KIAA0319: variants seen among roughly 807,000 people sequenced by gnomAD.
KIAA0319 encodes KIAA0319, also known as dyslexia-associated protein KIAA0319.
KIAA0319 carries 83 observed loss-of-function variants against 108.4 expected under a neutral mutation model. That is an observed-to-expected ratio of 0.77 (90% confidence interval 0.64 to 0.92). The LOEUF is 0.92. Among genes scored for constraint, KIAA0319 ranks in the 40% least tolerant of loss-of-function variants. The pLI is 0.00. For missense variants in KIAA0319, 1,195 were observed against 1,322.4 expected (o/e 0.90, Z 1.49); for synonymous variants, 484 against 510.4 (o/e 0.95, Z 0.70).
chr6:24,590,979 T>A (rs1047250097), intron 3 of KIAA0319, among the ~76,000 whole-genome samples: 6 of 152,208 alleles, frequency 3.9e-5, no homozygotes, highest in Admixed American at 3.9e-4. Context: ...CTGGGCCTCG[T>A]CAGCAAAAGT....
At chr6:24,615,819 C>T (rs1773070594) in intron 1 of KIAA0319, among the ~76,000 whole-genome samples, 2 of 152,180 alleles carry the variant, frequency 1.3e-5, no homozygotes, top group Admixed American at 1.3e-4. Context: ...AAGATGAAGA[C>T]TTAGTCACCT....
At chr6:24,643,502 G>T (rs1204574487) in intron 1 of KIAA0319, among the ~76,000 whole-genome samples, 1 of 151,938 alleles carries the variant, frequency 6.6e-6, no homozygotes, top group Non-Finnish European at 1.5e-5. Flanking sequence ...TCCTTCCTTG[G>T]GGGTATTAAG....
At chr6:24,641,712 G>C (rs967561227) in intron 1 of KIAA0319, among the ~76,000 whole-genome samples, 3 of 152,112 alleles carry the variant, frequency 2.0e-5, no homozygotes, top group African/African-American at 7.2e-5. Context: ...TACTGAGAGA[G>C]ATGGTAAAAA....
intron 1 of KIAA0319, among the ~76,000 whole-genome samples, chr6:24,644,665 A>T (rs1290216602): frequency 1.3e-5 from 2 of 152,096 alleles, no homozygotes; most frequent in Non-Finnish European, 2.9e-5. Context: ...ACATTCATAC[A>T]TTACCAAAGC....
intron 1 of KIAA0319, among the ~76,000 whole-genome samples, chr6:24,614,518 C>G (rs1159934607): frequency 6.6e-6 from 1 of 152,026 alleles, no homozygotes; most frequent in Non-Finnish European, 1.5e-5. Flanking sequence ...CCATAATGTT[C>G]CTGGCATTTT....
chr6:24,607,841 C>T (rs922619867), intron 1 of KIAA0319, among the ~76,000 whole-genome samples: 1 of 152,046 alleles, frequency 6.6e-6, no homozygotes, highest in Non-Finnish European at 1.5e-5. Context: ...TAGTTAAAAA[C>T]ATTTTTTAAA....
intron 11 of KIAA0319, among the ~76,000 whole-genome samples, chr6:24,570,606 G>A (rs1238173380): frequency 6.7e-6 from 1 of 149,204 alleles, no homozygotes; most frequent in Non-Finnish European, 1.5e-5. Context: ...ATCGTCATAG[G>A]GTGAAAGAGA....
At position 24,546,946 on chromosome 6, in the gene KIAA0319, T is replaced by A; in HGVS notation, c.*219A>T. ...CTTTTAAGTATATACCTTAGAGTTT[T>A]ACCCAGCCTTTATTTCTATTAACAA... On this transcript the variant is annotated 3_prime_UTR_variant, in exon 21 of 21. Coordinates refer to ENST00000378214, the MANE Select transcript of KIAA0319 (RefSeq NM_014809.4). 1 of 507,744 alleles carries A rather than the reference T, an allele frequency of 2.0e-6. No individual in the cohort carries two copies. The highest frequency in any genetic ancestry group is 3.3e-5 in the East Asian group (1 of 30,122). The allele number at this position is 507,744 out of a possible 1,614,324, so 31.5% of individuals were successfully genotyped here. A position where few individuals can be genotyped will look rare whatever the true frequency, so the allele number is the denominator to read the frequency against.
chr6:24,582,170 T>G lies in KIAA0319; in HGVS notation c.1191+79A>C, dbSNP rs112188068. On this transcript the variant is annotated intron_variant, in intron 6 of 20. Transcript: ENST00000378214. Reference sequence around the variant, plus strand: ...CCAAAAAGAAGAAAGACGTTTGGGTTCAGTAGCTAAGAAGGTATTAACTGA... The same window carrying G: ...CCAAAAAGAAGAAAGACGTTTGGGTGCAGTAGCTAAGAAGGTATTAACTGA... 1.1e-3 allele frequency: 898 copies of G among 826,016 alleles called. 15 individuals carry two copies. The Admixed American group carries it at 0.015, about 14-fold the overall frequency. The allele number at this position is 826,016 out of a possible 1,614,324, so 51.2% of individuals were successfully genotyped here.
At chr6:24,605,721 T>C (rs1771301889) in intron 1 of KIAA0319, among the ~76,000 whole-genome samples, 1 of 152,152 alleles carries the variant, frequency 6.6e-6, no homozygotes, top group Non-Finnish European at 1.5e-5. Flanking sequence ...TGTCCCCCCA[T>C]GGTGAAAACT....
Position 24,599,850 on chromosome 6 carries a change from G to A in KIAA0319, c.55+1199C>T. On this transcript the variant is annotated intron_variant, in intron 2 of 20. Transcript: ENST00000378214. The surrounding 1 kb of genome is among the most constrained non-coding windows in gnomAD (Gnocchi z 4.1). Reference sequence around the variant, plus strand: ...TGTGACTGCCCCAGAGCCTGTGGGGGAGGCCACTGTGCAGGGGAGCATAGG... The same window carrying A: ...TGTGACTGCCCCAGAGCCTGTGGGGAAGGCCACTGTGCAGGGGAGCATAGG... The A allele has an allele frequency of 2.3e-6, 1 of 430,594 alleles. No homozygotes were observed. 26.7% of individuals were successfully genotyped at this position (430,594 alleles called of 1,614,324 possible).
chr6:24,550,819 G>A (rs1561906631), intron 20 of KIAA0319, among the ~76,000 whole-genome samples: 1 of 151,186 alleles, frequency 6.6e-6, no homozygotes, highest in East Asian at 2.0e-4. Flanking sequence ...AGCAGTCTTT[G>A]CCCTGTGGTC....
chr6:24,593,008 AC>A (rs1562016017), intron 3 of KIAA0319, among the ~76,000 whole-genome samples: 3 of 152,128 alleles, frequency 2.0e-5, no homozygotes, highest in South Asian at 2.1e-4. Flanking sequence ...ATAAAAAAAA[AC>A]ATTATCTACT....
At chr6:24,586,741 C>A (rs1217132827) in intron 4 of KIAA0319, among the ~76,000 whole-genome samples, 1 of 149,554 alleles carries the variant, frequency 6.7e-6, no homozygotes, top group East Asian at 1.9e-4. Flanking sequence ...TTTTTTTTTT[C>A]TCTCTTGTTA....
chr6:24,639,841 C>T lies in KIAA0319; in HGVS notation c.-106+5895G>A, dbSNP rs949200975. On this transcript the variant is annotated intron_variant, in intron 1 of 20. Transcript: ENST00000378214. ...CAGTCTGGGTGACAGAGTGAGACTC[C>T]ATCTTAAAAAAAAAAAAAAAAGTGC... Among the ~76,000 whole-genome samples the T allele has an allele frequency of 2.1e-4, 20 of 95,606 alleles. No homozygotes were observed. The Admixed American group carries it at 2.2e-3, about 11-fold the overall frequency. 62.7% of individuals were successfully genotyped at this position (95,606 alleles called of 152,430 possible).
Position 24,645,995 on chromosome 6 carries a change from C to T in KIAA0319, c.-365G>A, listed in dbSNP as rs1257752724. 6.6e-6 allele frequency: 1 copy of T among 152,470 alleles called. No individual in the cohort carries two copies. Among genetic ancestry groups the T allele is most frequent in the Non-Finnish European group, 1.5e-5 (1 of 68,304 alleles). The allele number at this position is 152,470 out of a possible 1,614,324, so 9.4% of individuals were successfully genotyped here. A position where few individuals can be genotyped will look rare whatever the true frequency, so the allele number is the denominator to read the frequency against. On this transcript the variant is annotated 5_prime_UTR_variant, in exon 1 of 21. Coordinates refer to ENST00000378214, the MANE Select transcript of KIAA0319 (RefSeq NM_014809.4). Reference sequence around the variant, plus strand: ...GTAGCCCCAGAGGAGCGAATCTGGACCAAGCCCAAGACAGGCTGAAGCTAC... The same window carrying T: ...GTAGCCCCAGAGGAGCGAATCTGGATCAAGCCCAAGACAGGCTGAAGCTAC...
chr6:24,578,206 C>T lies in KIAA0319; in HGVS notation c.1409G>A (p.Trp470Ter). 1 of 1,606,212 alleles carries T rather than the reference C, an allele frequency of 6.2e-7. No homozygotes were observed. Among genetic ancestry groups the T allele is most frequent in the Non-Finnish European group, 8.5e-7 (1 of 1,173,228 alleles). The change falls in exon 9 of 21, where the codon TGG (tryptophan) becomes TAG (stop). Residue 470 changes from tryptophan to a stop codon, truncating the protein, a stop_gained. Transcript: ENST00000378214. LOFTEE classifies it high-confidence loss of function. Reference sequence around the variant, plus strand: ...TATGAAGGGCCCGTTTATTTCTTCCCAATGATAACTCACTATTTCAGTATC... The same window carrying T: ...TATGAAGGGCCCGTTTATTTCTTCCTAATGATAACTCACTATTTCAGTATC... Reference protein sequence around the residue: ...TDDTEIVSYHWEEINGPFIEE... With the variant: ...TDDTEIVSYH
intron 20 of KIAA0319, 129 bp from the exon 21 acceptor site, chr6:24,547,472 A>C: frequency 1.3e-6 from 1 of 749,184 alleles, no homozygotes; most frequent in East Asian, 2.7e-5. Flanking sequence ...AATCACTCAA[A>C]ACAGCAGGCG....
intron 1 of KIAA0319, among the ~76,000 whole-genome samples, chr6:24,634,472 T>C (rs1281603158): frequency 1.3e-5 from 2 of 152,292 alleles, no homozygotes; most frequent in East Asian, 3.9e-4. Flanking sequence ...CAATGAATAT[T>C]AAAATGTAAG....
Sources: gnomAD v4.1 joint callset for allele counts (sites outside exome capture counted in the v4.1 genomes callset) on GRCh38, gnomAD v4.1.1 for gene constraint, Gnocchi (gnomAD v3.1) non-coding constraint, MANE v1.5 for transcripts, NCBI Gene and HGNC (gene_info 2026-07-23, HGNC 2026-07-21) for gene names.